The following TMEM74 variants were observed in gnomAD, a reference collection of about 807,000 sequenced individuals.
TMEM74 encodes transmembrane protein 74.
Under a neutral mutation model 18.1 loss-of-function variants are expected in TMEM74, and 13 were observed. The observed-to-expected ratio is 0.72, with a 90% CI of 0.47 to 1.14. The LOEUF (loss-of-function observed/expected upper bound fraction) is 1.14, where lower values mean the gene tolerates loss of function less well. Among genes scored for constraint, TMEM74 ranks in the 50% most tolerant of loss-of-function variants. The pLI, the probability that TMEM74 is intolerant of heterozygous loss-of-function variation, is 0.00. For missense variants in TMEM74, 372 were observed against 375.9 expected, an observed-to-expected ratio of 0.99 and a Z score of 0.09; for synonymous variants, 159 against 146.6, an observed-to-expected ratio of 1.08 and a Z score of -0.61.
chr8:108,783,409 T>C lies in TMEM74; in HGVS notation c.*772A>G, dbSNP rs1225376702. The C allele has an allele frequency of 6.6e-6, 1 of 152,240 alleles. No individual in the cohort carries two copies. 9.4% of individuals were successfully genotyped at this position (152,240 alleles called of 1,614,324 possible). A position where few individuals can be genotyped will look rare whatever the true frequency, so the allele number is the denominator to read the frequency against. ...TCAAGAGCACAGATAACCAGTATGA[T>C]GGCAAAATCACAAAATATAAAACTT... On this transcript the variant is annotated 3_prime_UTR_variant, in exon 2 of 2. Transcript: ENST00000297459.
intron 2 of TMEM74, among the ~76,000 whole-genome samples, chr8:108,612,293 T>C (rs991245565): frequency 3.9e-5 from 6 of 152,138 alleles, no homozygotes; most frequent in Admixed American, 2.6e-4. Context: ...GTTAAAGATA[T>C]TAAAACCTAC....
intron 1 of TMEM74, among the ~76,000 whole-genome samples, chr8:108,747,502 C>T (rs1944209338): frequency 6.6e-6 from 1 of 152,034 alleles, no homozygotes; most frequent in Admixed American, 6.6e-5. Context: ...GGCCAGCCTA[C>T]TTGCTCTATG....
In TMEM74 at chr8:108,693,753, G is replaced by A. The variant is rs534931174; in HGVS notation, n.120-38316C>T. On this transcript the variant is annotated intron_variant and non_coding_transcript_variant, in intron 1 of 3. Transcript: ENST00000518838. The stretch of plus-strand genomic sequence containing the variant: ...GAATGCTAATTGATTTTATGTGCAT[G>A]TCAAGAAGTCAATCAATGGCAGGCA... 5.9e-4 allele frequency among the ~76,000 whole-genome samples: 90 copies of A among 152,318 alleles called. 1 individual carries two copies. Among genetic ancestry groups the A allele is most frequent in the African/African-American group, 2.1e-3 (89 of 41,580 alleles).
chr8:108,645,789 G>A (rs897822445), intron 2 of TMEM74, among the ~76,000 whole-genome samples: 2 of 152,048 alleles, frequency 1.3e-5, no homozygotes, highest in Non-Finnish European at 2.9e-5. Context: ...AGATAACCAA[G>A]GGATTAATTT....
chr8:108,757,836 G>A (rs1043719804), intron 1 of TMEM74, among the ~76,000 whole-genome samples: 2 of 151,874 alleles, frequency 1.3e-5, no homozygotes, highest in Non-Finnish European at 1.5e-5. Flanking sequence ...TAGCAAACAC[G>A]TTGTAGCTTA....
intron 1 of TMEM74, among the ~76,000 whole-genome samples, chr8:108,659,771 G>C (rs1455513602): frequency 1.3e-5 from 2 of 152,102 alleles, no homozygotes; most frequent in African/African-American, 4.8e-5. Context: ...CCAGTAGCTG[G>C]GAATGTTGTC....
At chr8:108,609,272 G>A (rs1812309924) in intron 2 of TMEM74, among the ~76,000 whole-genome samples, 1 of 152,208 alleles carries the variant, frequency 6.6e-6, no homozygotes, top group South Asian at 2.1e-4. Context: ...TCTAAAATAA[G>A]TTCTTTCAGG....
At chr8:108,712,326 G>T (rs1024547190) in intron 1 of TMEM74, among the ~76,000 whole-genome samples, 6 of 152,094 alleles carry the variant, frequency 3.9e-5, no homozygotes, top group African/African-American at 1.4e-4. Context: ...TAAATTGTAG[G>T]CTTGAAAACT....
chr8:108,702,490 CAAAT>C (rs1193824850), intron 1 of TMEM74, among the ~76,000 whole-genome samples: 2 of 151,728 alleles, frequency 1.3e-5, no homozygotes, highest in Non-Finnish European at 2.9e-5. Flanking sequence ...CACATGCAAA[CAAAT>C]GAATCTGGAT....
At chr8:108,630,249 T>G (rs1431929795) in intron 2 of TMEM74, among the ~76,000 whole-genome samples, 2 of 151,932 alleles carry the variant, frequency 1.3e-5, no homozygotes, top group Admixed American at 1.3e-4. Flanking sequence ...GGGCATTACA[T>G]AAAAGGATCA....
intron 2 of TMEM74, among the ~76,000 whole-genome samples, chr8:108,621,413 T>G (rs1248524250): frequency 3.3e-5 from 5 of 152,308 alleles, no homozygotes; most frequent in Middle Eastern, 6.8e-3. Flanking sequence ...CTTTGGTAGG[T>G]CCTTCTTCCA....
Position 108,784,634 on chromosome 8 carries a change from C to G in TMEM74, c.465G>C (p.Leu155Phe). 1 of 1,614,190 alleles carries G rather than the reference C, an allele frequency of 6.2e-7. No individual in the cohort carries two copies. The highest frequency in any genetic ancestry group is 8.5e-7 in the Non-Finnish European group (1 of 1,180,030). Residue 155 changes from leucine to phenylalanine, a missense_variant, in exon 2 of 2, where the codon TTG (leucine) becomes TTC (phenylalanine). Transcript: ENST00000297459. ...TTGTATCATCCTCCTCTTCAGATAT[C>G]AAAGATATGGCAGCCTCTTGGGACC... The part of the protein sequence containing the change: ...NEWSQEAAIS[L>F]ISEEEDDTSS...
At chr8:108,638,042 C>A (rs1812624707) in intron 2 of TMEM74, among the ~76,000 whole-genome samples, 2 of 152,092 alleles carry the variant, frequency 1.3e-5, no homozygotes, top group Non-Finnish European at 2.9e-5. Flanking sequence ...TCAGCTAATG[C>A]AGCCAAATGC....
intron 1 of TMEM74, 74 bp from the exon 2 acceptor site, chr8:108,785,211 G>A (rs978202757): frequency 6.8e-6 from 8 of 1,173,716 alleles, no homozygotes; most frequent in Non-Finnish European, 9.3e-6. Context: ...TTGCTCCTGG[G>A]GTCCCCATTT....
At chr8:108,639,482 A>G (rs1023774941) in intron 2 of TMEM74, among the ~76,000 whole-genome samples, 1 of 152,122 alleles carries the variant, frequency 6.6e-6, no homozygotes, top group South Asian at 2.1e-4. Flanking sequence ...CTGTGTGTTC[A>G]TATACATGTG....
At chr8:108,694,801 G>A (rs888621761) in intron 1 of TMEM74, among the ~76,000 whole-genome samples, 1 of 152,222 alleles carries the variant, frequency 6.6e-6, no homozygotes, top group African/African-American at 2.4e-5. Flanking sequence ...GTGAAGTTTA[G>A]TTCCTGAACT....
chr8:108,718,943 A>G (rs1441529947), intron 1 of TMEM74, among the ~76,000 whole-genome samples: 2 of 150,684 alleles, frequency 1.3e-5, no homozygotes, highest in Non-Finnish European at 2.9e-5. Flanking sequence ...ACAAAGTTAG[A>G]TAGCTAGTTA....
intron 1 of TMEM74, among the ~76,000 whole-genome samples, chr8:108,702,332 G>A (rs1273155365): frequency 1.5e-5 from 2 of 131,624 alleles, no homozygotes; most frequent in Non-Finnish European, 3.1e-5. Context: ...GCGACGGTGT[G>A]AGACTCCATC....
chr8:108,701,608 C>T (rs1416077274), intron 1 of TMEM74, among the ~76,000 whole-genome samples: 4 of 152,118 alleles, frequency 2.6e-5, no homozygotes, highest in South Asian at 4.1e-4. Context: ...CAATGAACAA[C>T]TGTAAATTGA....
Sources: allele counts gnomAD v4.1 joint callset (sites outside exome capture counted in the v4.1 genomes callset), GRCh38; gene constraint gnomAD v4.1.1; transcripts MANE v1.5; gene names NCBI Gene and HGNC (gene_info 2026-07-23, HGNC 2026-07-21).